The following ABCA13 variants were observed in gnomAD, a reference collection of about 807,000 sequenced individuals.
The protein encoded by ABCA13 is ATP-binding cassette sub-family A member 13.
Under a neutral mutation model 478.7 loss-of-function variants are expected in ABCA13, and 476 were observed. The ratio of observed to expected loss-of-function variants is 0.99; its 90% confidence interval spans 0.92 to 1.07. The LOEUF (loss-of-function observed/expected upper bound fraction) is 1.07. Among genes scored for constraint, ABCA13 ranks in the 50% least tolerant of loss-of-function variants. The pLI is 0.00. For missense variants in ABCA13, 6,060 were observed against 5,910.6 expected (o/e 1.03, Z -0.83); for synonymous variants, 2,252 against 2,158.9 (o/e 1.04, Z -1.20).
intron 41 of ABCA13, among the ~76,000 whole-genome samples, chr7:48,417,276 A>T (rs1429206539): frequency 6.6e-6 from 1 of 152,146 alleles, no homozygotes; most frequent in Non-Finnish European, 1.5e-5. Context: ...TGTGTCCTAG[A>T]TGCTTTTTTT....
intron 42 of ABCA13, among the ~76,000 whole-genome samples, chr7:48,440,534 T>G (rs1414800533): frequency 6.6e-6 from 1 of 152,218 alleles, no homozygotes; most frequent in Non-Finnish European, 1.5e-5. Context: ...TATTTCTTTT[T>G]TGATTATTAG....
chr7:48,519,399 A>C (rs1832370935), intron 52 of ABCA13, among the ~76,000 whole-genome samples: 1 of 152,226 alleles, frequency 6.6e-6, no homozygotes, highest in Admixed American at 6.5e-5. Context: ...ACAGTGGTGA[A>C]CAATAAGTCT....
intron 15 of ABCA13, among the ~76,000 whole-genome samples, chr7:48,266,919 C>G (rs1794947265): frequency 1.3e-5 from 2 of 151,764 alleles, no homozygotes; most frequent in Non-Finnish European, 1.5e-5. Flanking sequence ...TTCTATGTTT[C>G]CTTTTGATTC....
At chr7:48,317,363 A>C (rs1257027228) in intron 27 of ABCA13, 67 bp downstream of exon 27, 1 of 1,507,228 alleles carries the variant, frequency 6.6e-7, no homozygotes, top group African/African-American at 1.4e-5. Flanking sequence ...ATCTTTAAAA[A>C]TGTCTGACAT....
chr7:48,241,238 A>C (rs929945493), intron 10 of ABCA13, among the ~76,000 whole-genome samples, 172 bp downstream of exon 10: 1 of 152,146 alleles, frequency 6.6e-6, no homozygotes, highest in East Asian at 1.9e-4. Context: ...CCAGGGTAGA[A>C]GTCTTGGCAG....
At chr7:48,588,969 G>T (rs1252616918) in intron 57 of ABCA13, among the ~76,000 whole-genome samples, 1 of 152,058 alleles carries the variant, frequency 6.6e-6, no homozygotes, top group East Asian at 1.9e-4. Context: ...CACATATATT[G>T]CTTGATTTGC....
chr7:48,221,425 T>C lies in ABCA13; in HGVS notation c.468+116T>C, dbSNP rs997992355. 4.2e-5 allele frequency: 23 copies of C among 546,044 alleles called. No individual in the cohort carries two copies. In the African/African-American group the frequency reaches 4.4e-4, roughly 11 times the overall value. 33.8% of individuals were successfully genotyped at this position (546,044 alleles called of 1,614,324 possible). On this transcript the variant is annotated intron_variant, in intron 5 of 61. Transcript: ENST00000435803. ...TTATTTCTAATGACTTGTATAACAA[T>C]TGTATAGAAGCTGGATTTGAGAGAG...
chr7:48,248,488 C>G, intron 14 of ABCA13, 44 bp downstream of exon 14: 1 of 1,449,098 alleles, frequency 6.9e-7, no homozygotes, highest in Non-Finnish European at 9.3e-7. Context: ...ATTGGGACAT[C>G]AGAATGATTT....
rs1797995854 is a variant in ABCA13, at chr7:48,287,975, C to A, written c.8852C>A (p.Thr2951Asn). The change falls in exon 20 of 62, where the codon ACC (threonine) becomes AAC (asparagine). Residue 2951 changes from threonine to asparagine, a missense_variant. By Grantham distance (65) the Thr-to-Asn change is moderately conservative. Transcript: ENST00000435803. ...LTIVAENPSWTKDILCATLSC... is the reference protein window; with the variant it reads ...LTIVAENPSWNKDILCATLSC... ...CCTCTGGCAGAAAACCCTTCCTGGA[C>A]CAAGGACATTTTGTGTGCTACTCTG... The A allele has an allele frequency of 3.1e-6, 5 of 1,613,574 alleles. No homozygotes were observed. The highest frequency in any genetic ancestry group is 2.7e-5 in the African/African-American group (2 of 74,878).
At chr7:48,304,123 C>A (rs1328208639) in intron 23 of ABCA13, among the ~76,000 whole-genome samples, 1 of 152,158 alleles carries the variant, frequency 6.6e-6, no homozygotes, top group Non-Finnish European at 1.5e-5. Context: ...TAGAATTCTT[C>A]AAGAATTGAC....
chr7:48,177,854 G>T (rs1361000075), intron 1 of ABCA13, among the ~76,000 whole-genome samples: 1 of 152,222 alleles, frequency 6.6e-6, no homozygotes, highest in East Asian at 1.9e-4. Context: ...GGATCTTGGG[G>T]CTTGGCCTGG....
chr7:48,593,086 A>G (rs1228735853), intron 57 of ABCA13, among the ~76,000 whole-genome samples: 1 of 152,016 alleles, frequency 6.6e-6, no homozygotes, highest in East Asian at 1.9e-4. Context: ...ATTAATAGGT[A>G]GGATCATATT....
chr7:48,396,545 C>G (rs1204013934), intron 38 of ABCA13, among the ~76,000 whole-genome samples: 1 of 152,176 alleles, frequency 6.6e-6, no homozygotes, highest in Non-Finnish European at 1.5e-5. Flanking sequence ...GCCTTTCTTT[C>G]AAGCTGGCCA....
chr7:48,571,681 A>G (rs563116159), intron 55 of ABCA13, among the ~76,000 whole-genome samples: 1 of 152,254 alleles, frequency 6.6e-6, no homozygotes, highest in Non-Finnish European at 1.5e-5. Flanking sequence ...TTGTCTAGGT[A>G]TAGATTATTT....
intron 58 of ABCA13, among the ~76,000 whole-genome samples, chr7:48,608,688 C>T (rs1349959809): frequency 6.6e-6 from 1 of 152,196 alleles, no homozygotes; most frequent in Non-Finnish European, 1.5e-5. Context: ...CCCTTCCTGC[C>T]AGTAGTTGCA....
intron 55 of ABCA13, among the ~76,000 whole-genome samples, chr7:48,537,815 T>C (rs1833685334): frequency 1.3e-5 from 2 of 151,984 alleles, no homozygotes; most frequent in East Asian, 3.9e-4. Context: ...CAGGGGTGAC[T>C]CAGGACTGAG....
At chr7:48,300,820 G>A (rs1325001807) in intron 23 of ABCA13, among the ~76,000 whole-genome samples, 2 of 152,172 alleles carry the variant, frequency 1.3e-5, no homozygotes, top group African/African-American at 4.8e-5. Flanking sequence ...GGACACTGGA[G>A]CCCATCTAGC....
chr7:48,204,474 G>C (rs1351788155), intron 3 of ABCA13, among the ~76,000 whole-genome samples: 1 of 152,152 alleles, frequency 6.6e-6, no homozygotes, highest in Admixed American at 6.5e-5. Context: ...GCCTCCCAAA[G>C]TGCTGGGATT....
At chr7:48,520,016 T>C in intron 52 of ABCA13, 25 bp from the exon 53 acceptor site, 1 of 1,574,788 alleles carries the variant, frequency 6.4e-7, no homozygotes, top group East Asian at 2.3e-5. Context: ...TTAATTGGAT[T>C]TTTTTTCTTT....
Sources: gnomAD v4.1 joint callset for allele counts (sites outside exome capture counted in the v4.1 genomes callset) on GRCh38, gnomAD v4.1.1 for gene constraint, MANE v1.5 for transcripts, NCBI Gene and HGNC (gene_info 2026-07-23, HGNC 2026-07-21) for gene names.